ATP13A4: variants seen among roughly 807,000 people sequenced by gnomAD.
ATP13A4 encodes the protein probable cation-transporting ATPase 13A4.
ATP13A4 carries 114 observed loss-of-function variants against 142.5 expected under a neutral mutation model. The observed-to-expected ratio is 0.80, with a 90% confidence interval of 0.69 to 0.93. ATP13A4 has a LOEUF of 0.93. ATP13A4 is among the 40% of genes least tolerant of loss of function. The probability of loss-of-function intolerance (pLI) is 0.00; values close to 1 mark genes in which losing one functional copy is unlikely to be tolerated. For missense variants in ATP13A4, 1,392 were observed against 1,454.0 expected (o/e 0.96, Z 0.69); for synonymous variants, 488 against 514.8 (o/e 0.95, Z 0.70).
At chr3:193,519,955 A>G (rs534270709) in intron 1 of ATP13A4, among the ~76,000 whole-genome samples, 1 of 151,576 alleles carries the variant, frequency 6.6e-6, no homozygotes, top group South Asian at 2.1e-4. Flanking sequence ...TGCAATTTCT[A>G]TTTTTTGCTT....
intron 2 of ATP13A4, among the ~76,000 whole-genome samples, chr3:193,571,922 C>T (rs1212852124): frequency 6.6e-6 from 1 of 152,100 alleles, no homozygotes; most frequent in Non-Finnish European, 1.5e-5. Flanking sequence ...GGACTTTAGA[C>T]TTTAGTTAAT....
intron 1 of ATP13A4, among the ~76,000 whole-genome samples, chr3:193,552,186 A>C: frequency 6.6e-6 from 1 of 152,046 alleles, no homozygotes; most frequent in East Asian, 1.9e-4. Context: ...GTTGGCCAGG[A>C]TGGTCTCAAT....
chr3:193,479,019 CAT>C (rs1719134675), intron 8 of ATP13A4, among the ~76,000 whole-genome samples: 1 of 152,118 alleles, frequency 6.6e-6, no homozygotes, highest in Admixed American at 6.5e-5. Context: ...AACAAAATCA[CAT>C]GATTATCTCA....
chr3:193,561,251 C>T (rs1000206070), intron 2 of ATP13A4, among the ~76,000 whole-genome samples: 1 of 152,234 alleles, frequency 6.6e-6, no homozygotes, highest in African/African-American at 2.4e-5. Flanking sequence ...GGGCTGGATT[C>T]AGTGCCCTTG....
At position 193,503,995 on chromosome 3, in the gene ATP13A4, ATG is replaced by A. The variant is rs554927410; in HGVS notation, c.235-1358_235-1357del. ...CAGGCTTAGCACAGGTTCTGTGTGC[ATG>A]TGTGTGTGTGTGTGTGTGTGTGTGA... On this transcript the variant is annotated intron_variant, in intron 2 of 29. Coordinates refer to ENST00000342695, the MANE Select transcript of ATP13A4 (RefSeq NM_032279.4). Among the ~76,000 whole-genome samples the A allele has an allele frequency of 4.1e-3, 557 of 136,048 alleles. 2 individuals carry two copies. Among genetic ancestry groups the A allele is most frequent in the East Asian group, 0.036 (158 of 4,392 alleles). The allele number at this position is 136,048 out of a possible 152,430, so 89.3% of individuals were successfully genotyped here.
At chr3:193,559,714 G>A (rs141392003), upstream of ATP13A4, among the ~76,000 whole-genome samples, 61 of 152,280 alleles carry the variant, frequency 4.0e-4, no homozygotes, top group East Asian at 8.9e-3. Flanking sequence ...AAATATCCCC[G>A]TTCAGCACCA....
intron 2 of ATP13A4, among the ~76,000 whole-genome samples, chr3:193,568,009 G>T (rs1560285380): frequency 6.6e-6 from 1 of 151,598 alleles, no homozygotes; most frequent in East Asian, 1.9e-4. Context: ...GCCCAGACTG[G>T]AGTGCAATGG....
intron 18 of ATP13A4, among the ~76,000 whole-genome samples, chr3:193,445,177 C>A (rs1221197834): frequency 6.6e-6 from 1 of 152,182 alleles, no homozygotes; most frequent in African/African-American, 2.4e-5. Flanking sequence ...GTGGCTCACA[C>A]CTGTAGTCCC....
At chr3:193,475,984 T>C (rs968438896) in intron 8 of ATP13A4, among the ~76,000 whole-genome samples, 1 of 151,842 alleles carries the variant, frequency 6.6e-6, no homozygotes, top group African/African-American at 2.4e-5. Context: ...ACTTTGGGTA[T>C]AGAGAAAAGA....
chr3:193,408,648 A>C (rs1158171624), intron 28 of ATP13A4, among the ~76,000 whole-genome samples: 1 of 152,256 alleles, frequency 6.6e-6, no homozygotes, highest in Non-Finnish European at 1.5e-5. Flanking sequence ...CATAAGCTGC[A>C]CATAGCCAAG....
chr3:193,487,652 T>C (rs968765528), intron 7 of ATP13A4, among the ~76,000 whole-genome samples: 2 of 152,156 alleles, frequency 1.3e-5, no homozygotes, highest in African/African-American at 4.8e-5. Flanking sequence ...ACAATATGTT[T>C]AAAATAGTGT....
At chr3:193,579,314 T>C in intron 2 of ATP13A4, 1 of 197,558 alleles carries the variant, frequency 5.1e-6, no homozygotes, top group Non-Finnish European at 1.0e-5. Context: ...TCTTTCTTGA[T>C]GCCACCACGT....
chr3:193,550,870 G>A (rs1039196255), intron 1 of ATP13A4, among the ~76,000 whole-genome samples: 1 of 152,150 alleles, frequency 6.6e-6, no homozygotes, highest in Non-Finnish European at 1.5e-5. Flanking sequence ...AAAGAGCAAT[G>A]TTAGAATCAA....
At chr3:193,506,405 T>C (rs975249790) in intron 2 of ATP13A4, among the ~76,000 whole-genome samples, 2 of 152,152 alleles carry the variant, frequency 1.3e-5, no homozygotes, top group African/African-American at 4.8e-5. Context: ...TCTAAAAAAA[T>C]AGGTTTTACA....
At chr3:193,460,694 T>C (rs1167186327) in intron 13 of ATP13A4, among the ~76,000 whole-genome samples, 2 of 152,244 alleles carry the variant, frequency 1.3e-5, no homozygotes, top group Non-Finnish European at 2.9e-5. Flanking sequence ...TTATTTTTAC[T>C]ATGAGACGTA....
At chr3:193,409,843 C>T (rs960713018) in intron 28 of ATP13A4, among the ~76,000 whole-genome samples, 17 of 152,250 alleles carry the variant, frequency 1.1e-4, no homozygotes, top group Non-Finnish European at 1.8e-4. Flanking sequence ...GAGTCTGATA[C>T]GCAATGATCA....
At chr3:193,456,916 T>C (rs570438241) in intron 16 of ATP13A4, 84 bp downstream of exon 16, 96 of 1,510,920 alleles carry the variant, frequency 6.4e-5, no homozygotes, top group Non-Finnish European at 8.3e-5. Context: ...CCATAGGCGA[T>C]TGAATTAATA....
chr3:193,546,481 C>T (rs1723234628), intron 1 of ATP13A4, among the ~76,000 whole-genome samples: 1 of 152,228 alleles, frequency 6.6e-6, no homozygotes, highest in Non-Finnish European at 1.5e-5. Context: ...CAGTGATTGG[C>T]TTTCTATGCA....
At chr3:193,435,844 A>C in intron 23 of ATP13A4, 100 bp from the exon 24 acceptor site, 1 of 1,021,870 alleles carries the variant, frequency 9.8e-7, no homozygotes, top group Non-Finnish European at 1.5e-6. Context: ...AAAAAATCAA[A>C]AGTCATTATA....
Sources: gnomAD v4.1 joint callset for allele counts (sites outside exome capture counted in the v4.1 genomes callset) on GRCh38, gnomAD v4.1.1 for gene constraint, MANE v1.5 for transcripts, NCBI Gene and HGNC (gene_info 2026-07-23, HGNC 2026-07-21) for gene names.